ERBB4: variants seen among roughly 807,000 people sequenced by gnomAD.
ERBB4 encodes the protein receptor tyrosine-protein kinase erbB-4.
A neutral mutation model predicts 158.0 loss-of-function variants in ERBB4; 42 were observed. The observed-to-expected ratio is 0.27, with a 90% confidence interval of 0.21 to 0.34. The LOEUF (loss-of-function observed/expected upper bound fraction) is 0.34, where lower values mean the gene tolerates loss of function less well. ERBB4 is among the 10% of genes least tolerant of loss of function. The probability of loss-of-function intolerance (pLI) is 1.00; values close to 1 mark genes in which losing one functional copy is unlikely to be tolerated. For synonymous variants in ERBB4, 583 were observed against 558.7 expected (o/e 1.04, Z -0.61); for missense variants, 1,333 against 1,624.1 (o/e 0.82, Z 3.08).
intron 1 of ERBB4, among the ~76,000 whole-genome samples, chr2:212,137,212 C>T (rs1336305201): frequency 6.6e-6 from 1 of 152,090 alleles, no homozygotes; most frequent in Non-Finnish European, 1.5e-5. Flanking sequence ...GGCACACATG[C>T]AGGTTTTTTA....
intron 4 of ERBB4, among the ~76,000 whole-genome samples, chr2:211,784,465 T>C (rs552930745): frequency 6.6e-6 from 1 of 152,250 alleles, no homozygotes; most frequent in Non-Finnish European, 1.5e-5. Flanking sequence ...TATTTCATCA[T>C]TGTATGTATA....
intron 1 of ERBB4, among the ~76,000 whole-genome samples, chr2:212,275,811 A>G (rs1813969): frequency 0.98 from 148,528 of 151,890 alleles, 72,815 homozygotes; most frequent in Middle Eastern, 1. Context: ...TGACAGAATC[A>G]AATTCATACA....
At chr2:212,118,721 A>T (rs1568517) in intron 2 of ERBB4, among the ~76,000 whole-genome samples, 6,910 of 151,702 alleles carry the variant, frequency 0.046, 392 homozygotes, top group African/African-American at 0.12. Flanking sequence ...AAGTTTTTTT[A>T]AAAAAAAATA....
chr2:212,515,134 G>T (rs571769754), intron 1 of ERBB4, among the ~76,000 whole-genome samples: 1 of 152,264 alleles, frequency 6.6e-6, no homozygotes, highest in African/African-American at 2.4e-5. Flanking sequence ...AAACACTTTT[G>T]GTTATGTGTG....
At chr2:211,964,070 T>TTCTC (rs2081251534) in intron 2 of ERBB4, among the ~76,000 whole-genome samples, 1 of 152,152 alleles carries the variant, frequency 6.6e-6, no homozygotes, top group African/African-American at 2.4e-5. Flanking sequence ...CACATGGTAT[T>TTCTC]TCTCTCTCCT....
intron 1 of ERBB4, among the ~76,000 whole-genome samples, chr2:212,142,103 G>T (rs2080498590): frequency 6.6e-6 from 1 of 152,110 alleles, no homozygotes; most frequent in South Asian, 2.1e-4. Context: ...GTTTCAAAAT[G>T]CTGATTATCA....
intron 1 of ERBB4, among the ~76,000 whole-genome samples, chr2:212,171,624 C>T (rs1581384): frequency 0.11 from 16,140 of 151,970 alleles, 1,034 homozygotes; most frequent in Non-Finnish European, 0.14. Context: ...TAGGTGTCTT[C>T]CCCCATGCTG....
At chr2:212,187,547 C>T (rs371680933) in intron 1 of ERBB4, among the ~76,000 whole-genome samples, 1 of 151,890 alleles carries the variant, frequency 6.6e-6, no homozygotes, top group Non-Finnish European at 1.5e-5. Flanking sequence ...GCTGAAGTAG[C>T]TTACATTAGA....
chr2:211,460,308 G>T (rs761843992), intron 20 of ERBB4, among the ~76,000 whole-genome samples: 10 of 152,066 alleles, frequency 6.6e-5, no homozygotes, highest in Non-Finnish European at 1.2e-4. Flanking sequence ...CCTTGAAAGT[G>T]CGAACAGATT....
At chr2:212,142,599 T>A (rs567425406) in intron 1 of ERBB4, among the ~76,000 whole-genome samples, 59 of 147,804 alleles carry the variant, frequency 4.0e-4, no homozygotes, top group African/African-American at 1.4e-3. Context: ...TATATATATA[T>A]ATAATATTAA....
At chr2:212,028,348 T>C (rs2076821912) in intron 2 of ERBB4, among the ~76,000 whole-genome samples, 1 of 152,142 alleles carries the variant, frequency 6.6e-6, no homozygotes, top group South Asian at 2.1e-4. Context: ...CAAACTGCCA[T>C]AGGAGGTTTC....
chr2:211,642,190 T>A (rs2070620488), intron 16 of ERBB4, among the ~76,000 whole-genome samples: 1 of 152,146 alleles, frequency 6.6e-6, no homozygotes, highest in Admixed American at 6.6e-5. Context: ...TTGAATTAAC[T>A]CTCATCACAT....
chr2:211,893,778 G>C (rs1225290803), intron 3 of ERBB4, among the ~76,000 whole-genome samples: 21 of 118,730 alleles, frequency 1.8e-4, no homozygotes, highest in Admixed American at 3.4e-4. Context: ...CTCAAAAGAA[G>C]ACATTTATGC....
At chr2:211,630,621 A>T (rs779549451) in intron 16 of ERBB4, 27 bp from the exon 17 acceptor site, 2 of 1,598,492 alleles carry the variant, frequency 1.3e-6, no homozygotes, top group Admixed American at 1.7e-5. Context: ...GAAAAAAAAA[A>T]ATAAAAAGTA....
chr2:212,062,568 C>T (rs1318404235), intron 2 of ERBB4, among the ~76,000 whole-genome samples: 1 of 151,862 alleles, frequency 6.6e-6, no homozygotes, highest in Admixed American at 6.6e-5. Flanking sequence ...CCACCATGCT[C>T]AACTAATTTT....
At chr2:211,851,299 T>C (rs1187536992) in intron 3 of ERBB4, among the ~76,000 whole-genome samples, 1 of 151,892 alleles carries the variant, frequency 6.6e-6, no homozygotes, top group Non-Finnish European at 1.5e-5. Flanking sequence ...ATTTATTTAA[T>C]GAAAATAAAT....
chr2:211,502,654 A>T (rs1320247406), intron 20 of ERBB4, among the ~76,000 whole-genome samples: 2 of 152,168 alleles, frequency 1.3e-5, no homozygotes, highest in Non-Finnish European at 2.9e-5. Context: ...TCTAGAAACC[A>T]TAATTAGATT....
At chr2:212,342,013 C>T (rs1035468326) in intron 1 of ERBB4, among the ~76,000 whole-genome samples, 2 of 152,182 alleles carry the variant, frequency 1.3e-5, no homozygotes, top group Middle Eastern at 3.4e-3. Flanking sequence ...AATCCCAACA[C>T]GTTGGGAGGT....
chr2:212,179,291 C>G (rs2125687280), intron 1 of ERBB4, among the ~76,000 whole-genome samples: 1 of 150,346 alleles, frequency 6.7e-6, no homozygotes, highest in Non-Finnish European at 1.5e-5. Flanking sequence ...TTCATTTTCT[C>G]ATTTAGAAAT....
Sources: gnomAD v4.1 joint callset for allele counts (sites outside exome capture counted in the v4.1 genomes callset) on GRCh38, gnomAD v4.1.1 for gene constraint, MANE v1.5 for transcripts, NCBI Gene and HGNC (gene_info 2026-07-23, HGNC 2026-07-21) for gene names.